The following MPRIP variants were observed in gnomAD, a reference collection of about 807,000 sequenced individuals.
MPRIP encodes the protein myosin phosphatase Rho interacting protein.
MPRIP carries 59 observed loss-of-function variants against 234.9 expected under a neutral mutation model. That is an observed-to-expected ratio of 0.25 (90% CI 0.20 to 0.31). The LOEUF (loss-of-function observed/expected upper bound fraction) is 0.31, where lower values mean the gene tolerates loss of function less well. MPRIP is among the 10% of genes least tolerant of loss of function. The probability of loss-of-function intolerance (pLI) is 1.00; values close to 1 mark genes in which losing one functional copy is unlikely to be tolerated. For synonymous variants in MPRIP, 1,144 were observed against 1,263.9 expected, an observed-to-expected ratio of 0.91 and a Z score of 2.01; for missense variants, 2,436 against 3,071.0, an observed-to-expected ratio of 0.79 and a Z score of 4.89.
At chr17:17,063,263 G>A (rs865904495) in intron 1 of MPRIP, among the ~76,000 whole-genome samples, 2 of 152,230 alleles carry the variant, frequency 1.3e-5, no homozygotes, top group African/African-American at 4.8e-5. Context: ...AAGTGTACCT[G>A]TAGACTTGTG....
chr17:17,175,136 T>TA (rs1374484263), intron 19 of MPRIP, among the ~76,000 whole-genome samples, 157 bp from the exon 20 acceptor site: 1 of 152,196 alleles, frequency 6.6e-6, no homozygotes, highest in African/African-American at 2.4e-5. Flanking sequence ...TGACACTAGT[T>TA]ATTGTGACAG....
intron 16 of MPRIP, 93 bp downstream of exon 16, chr17:17,168,008 T>C (rs1184527525): frequency 4.5e-5 from 44 of 988,400 alleles, no homozygotes; most frequent in South Asian, 3.6e-4. Context: ...CAGGCAGAAT[T>C]GAGGGGATAT....
chr17:17,165,711 G>A lies in MPRIP; in HGVS notation c.4120G>A (p.Gly1374Ser). ...EPAPSVLPAT[G>S]DSDTYLSIIH... ...TGCACCCAGTGTACTGCCTGCAACTGGCGACTCTGACACGTACCTCTCCAT... is the reference window on the plus strand; with the variant it reads ...TGCACCCAGTGTACTGCCTGCAACTAGCGACTCTGACACGTACCTCTCCAT... The change falls in exon 16 of 24, where the codon GGC becomes AGC. Residue 1374 changes from glycine (G) to serine (S), a missense_variant. Transcript: ENST00000651222. The A allele has an allele frequency of 7.7e-7, 1 of 1,305,044 alleles. No homozygotes were observed. Among genetic ancestry groups the A allele is most frequent in the South Asian group, 1.2e-5 (1 of 81,030 alleles). 80.8% of individuals were successfully genotyped at this position (1,305,044 alleles called of 1,614,324 possible).
At position 17,161,234 on chromosome 17, in the gene MPRIP, C is replaced by T; in HGVS notation, c.2401-6C>T. 1 of 1,591,230 alleles carries T rather than the reference C, an allele frequency of 6.3e-7. No homozygotes were observed. The highest frequency in any genetic ancestry group is 1.1e-5 in the South Asian group (1 of 89,282). On this transcript the variant is annotated splice_polypyrimidine_tract_variant and splice_region_variant and intron_variant, in intron 14 of 23. Transcript: ENST00000651222. ...TGCATAAAAGTGTGTGTCTTTTTGCCAACAGCTGGAGCAGAGCCAGAAGGA... is the reference window on the plus strand; with the variant it reads ...TGCATAAAAGTGTGTGTCTTTTTGCTAACAGCTGGAGCAGAGCCAGAAGGA...
intron 2 of MPRIP, 185 bp from the exon 3 acceptor site, chr17:17,077,826 G>A: frequency 1.6e-6 from 1 of 613,490 alleles, no homozygotes; most frequent in Admixed American, 2.5e-5. Context: ...TCCCAGCCCA[G>A]TCCTGGCTGA....
At chr17:17,151,807 C>G (rs111321883) in intron 12 of MPRIP, among the ~76,000 whole-genome samples, 14 of 152,352 alleles carry the variant, frequency 9.2e-5, no homozygotes, top group African/African-American at 3.4e-4. Flanking sequence ...TCGTCACTCG[C>G]AAGGGCTTTA....
chr17:17,044,517 A>G (rs1016477286), intron 1 of MPRIP, among the ~76,000 whole-genome samples: 2 of 152,202 alleles, frequency 1.3e-5, no homozygotes, highest in African/African-American at 4.8e-5. Flanking sequence ...GCAAGAAATG[A>G]TATTTTATGA....
intron 3 of MPRIP, among the ~76,000 whole-genome samples, chr17:17,106,131 C>A (rs562525167): frequency 6.6e-6 from 1 of 152,126 alleles, no homozygotes; most frequent in African/African-American, 2.4e-5. Context: ...GGCGAAGTGT[C>A]TGCAGTGTTG....
chr17:17,151,151 A>G (rs2045594089), intron 12 of MPRIP, among the ~76,000 whole-genome samples: 3 of 152,074 alleles, frequency 2.0e-5, no homozygotes, highest in Non-Finnish European at 4.4e-5. Context: ...GATTATAGGC[A>G]TGAATCACTG....
At chr17:17,160,030 G>A (rs1567760824) in intron 14 of MPRIP, among the ~76,000 whole-genome samples, 1 of 152,214 alleles carries the variant, frequency 6.6e-6, no homozygotes, top group East Asian at 1.9e-4. Flanking sequence ...GCCAGCAGGC[G>A]ACACACTGGC....
intron 3 of MPRIP, among the ~76,000 whole-genome samples, chr17:17,091,366 G>A (rs959978475): frequency 1.3e-5 from 2 of 152,060 alleles, no homozygotes; most frequent in South Asian, 4.2e-4. Context: ...GGCAGGCAGG[G>A]TCCCCACTAT....
intron 3 of MPRIP, chr17:17,097,084 A>G: frequency 4.9e-6 from 1 of 202,600 alleles, no homozygotes; most frequent in South Asian, 8.0e-5. Flanking sequence ...TGTCACATGC[A>G]AAAGGCAGGA....
rs146815991 is a variant in MPRIP at position 17,176,449 on chromosome 17, G to A, written c.6894G>A (p.Ser2298=). The change falls in exon 21 of 24, where the codon TCG becomes TCA. Residue 2298 remains serine (S), a synonymous_variant. Coordinates refer to ENST00000651222, the MANE Select transcript of MPRIP (RefSeq NM_001364716.4). The part of the protein sequence containing the change: ...ELEVLLRVKE[S]EIQYLKQEIS... ...AGGTCTTATTGCGGGTAAAGGAATC[G>A]GAAATACAGTACCTGAAACAGGAGA... is the stretch of plus-strand genomic sequence containing the variant. The A allele has an allele frequency of 4.6e-5, 74 of 1,613,898 alleles. 1 individual carries two copies. Among genetic ancestry groups the A allele is most frequent in the Middle Eastern group, 1.6e-4 (1 of 6,084 alleles).
At chr17:17,117,874 C>T (rs531444546) in intron 3 of MPRIP, among the ~76,000 whole-genome samples, 2 of 152,342 alleles carry the variant, frequency 1.3e-5, no homozygotes, top group African/African-American at 4.8e-5. Context: ...TCACAATTTG[C>T]GACTTGCCCA....
intron 1 of MPRIP, among the ~76,000 whole-genome samples, chr17:17,062,129 A>G (rs757717357): frequency 6.6e-6 from 1 of 152,156 alleles, no homozygotes; most frequent in African/African-American, 2.4e-5. Context: ...TTCCCAGGCC[A>G]GTGTACATTA....
In MPRIP at chr17:17,145,917, C is replaced by A. The variant is rs115518640; in HGVS notation, c.1504-119C>A. 8.3e-3 allele frequency: 7,963 copies of A among 954,918 alleles called. 190 individuals are homozygous for A. Among genetic ancestry groups the A allele is most frequent in the African/African-American group, 0.067 (4,143 of 61,590 alleles). 59.2% of individuals were successfully genotyped at this position (954,918 alleles called of 1,614,324 possible). A position where few individuals can be genotyped will look rare whatever the true frequency, so the allele number is the denominator to read the frequency against. On this transcript the variant is annotated intron_variant, in intron 9 of 23. Transcript: ENST00000651222. ...GAGGGGGCTGCACAGGCTTGTCTGG[C>A]AGGTGGAGAAACCCCTTTCCTGGTA...
chr17:17,089,618 G>A (rs1033016157), intron 3 of MPRIP, among the ~76,000 whole-genome samples: 4 of 151,990 alleles, frequency 2.6e-5, no homozygotes, highest in Non-Finnish European at 2.9e-5. Context: ...CAGATGCTCC[G>A]GTGTTGAGCT....
At chr17:17,174,703 T>C (rs28461224) in intron 19 of MPRIP, among the ~76,000 whole-genome samples, 111,223 of 151,632 alleles carry the variant, frequency 0.73, 41,188 homozygotes, top group East Asian at 0.99. Context: ...GGTGTGGTGG[T>C]GGGCGCCTAT....
chr17:17,160,051 G>A (rs1052146568), intron 14 of MPRIP, among the ~76,000 whole-genome samples: 7 of 152,200 alleles, frequency 4.6e-5, no homozygotes, highest in African/African-American at 7.2e-5. Context: ...TCAACAATCT[G>A]GGGGGTCAGT....
Sources: gnomAD v4.1 joint callset for allele counts (sites outside exome capture counted in the v4.1 genomes callset) on GRCh38, gnomAD v4.1.1 for gene constraint, MANE v1.5 for transcripts, NCBI Gene and HGNC (gene_info 2026-07-23, HGNC 2026-07-21) for gene names.